Variants in ERBB4 observed in about 807,000 individuals in gnomAD.
The protein encoded by ERBB4 is erb-b2 receptor tyrosine kinase 4, also known as receptor tyrosine-protein kinase erbB-4.
Under a neutral mutation model 158.0 loss-of-function variants are expected in ERBB4, and 42 were observed. The ratio of observed to expected loss-of-function variants is 0.27; its 90% CI spans 0.21 to 0.34. ERBB4 has a LOEUF of 0.34. ERBB4 is among the 10% of genes least tolerant of loss of function. The pLI is 1.00. For synonymous variants in ERBB4, 583 were observed against 558.7 expected, an observed-to-expected ratio of 1.04 and a Z score of -0.61; for missense variants, 1,333 against 1,624.1, an observed-to-expected ratio of 0.82 and a Z score of 3.08.
intron 25 of ERBB4, among the ~76,000 whole-genome samples, chr2:211,415,121 T>TTTC (rs1162452853): frequency 8.0e-6 from 1 of 125,480 alleles, no homozygotes; most frequent in Non-Finnish European, 1.7e-5. Context: ...TTTTTTTTTT[T>TTTC]TTTTTTTTTT....
chr2:211,719,648 G>C (rs547428862), intron 7 of ERBB4, among the ~76,000 whole-genome samples: 1 of 152,160 alleles, frequency 6.6e-6, no homozygotes, highest in South Asian at 2.1e-4. Flanking sequence ...AAGGTCAGGA[G>C]ATCGAGACCA....
intron 4 of ERBB4, among the ~76,000 whole-genome samples, chr2:211,757,934 T>G (rs2075321966): frequency 1.3e-5 from 2 of 152,152 alleles, no homozygotes; most frequent in Non-Finnish European, 2.9e-5. Context: ...ATCTCTTAAC[T>G]CATAAATGGA....
intron 3 of ERBB4, among the ~76,000 whole-genome samples, chr2:211,802,996 GA>G (rs1157619715): frequency 4.6e-5 from 7 of 152,010 alleles, no homozygotes; most frequent in African/African-American, 1.7e-4. Context: ...TCCAAAAGTT[GA>G]AAAAAAGTTG....
chr2:211,495,189 G>A (rs915521693), intron 20 of ERBB4, among the ~76,000 whole-genome samples: 2 of 151,826 alleles, frequency 1.3e-5, no homozygotes, highest in Non-Finnish European at 2.9e-5. Flanking sequence ...TGTTCTTAGA[G>A]ATAAAAAAGA....
At chr2:211,695,947 CTTTTT>C (rs1046117845) in intron 12 of ERBB4, among the ~76,000 whole-genome samples, 29 of 149,510 alleles carry the variant, frequency 1.9e-4, no homozygotes, top group Admixed American at 3.3e-4. Context: ...TCTTTTCTTT[CTTTTT>C]ATTTCTTCTT....
chr2:211,795,419 G>T (rs190065353), intron 3 of ERBB4, among the ~76,000 whole-genome samples: 160 of 151,852 alleles, frequency 1.1e-3, no homozygotes, highest in Middle Eastern at 0.01. Context: ...TTAAATAGTG[G>T]TTACTTCTTG....
chr2:212,361,394 C>T (rs2089681034), intron 1 of ERBB4, among the ~76,000 whole-genome samples: 1 of 151,488 alleles, frequency 6.6e-6, no homozygotes, highest in Non-Finnish European at 1.5e-5. Context: ...GACAGAGTGG[C>T]TCTTTCTGGA....
chr2:211,589,527 CTCT>C (rs1034915886), intron 19 of ERBB4, among the ~76,000 whole-genome samples: 59 of 152,260 alleles, frequency 3.9e-4, no homozygotes, highest in African/African-American at 1.3e-3. Flanking sequence ...AGCCATCAGT[CTCT>C]TCTTCATTTT....
chr2:212,434,100 C>T (rs2092086512), intron 1 of ERBB4, among the ~76,000 whole-genome samples: 1 of 151,820 alleles, frequency 6.6e-6, no homozygotes, highest in South Asian at 2.1e-4. Context: ...ATCATTTTAC[C>T]CCTTAGGGGT....
intron 20 of ERBB4, among the ~76,000 whole-genome samples, chr2:211,513,769 C>T (rs372695986): frequency 1.3e-5 from 2 of 152,050 alleles, no homozygotes; most frequent in African/African-American, 4.8e-5. Flanking sequence ...AAATACAATA[C>T]AGGCTCAGGG....
intron 25 of ERBB4, among the ~76,000 whole-genome samples, chr2:211,388,618 A>T (rs543749832): frequency 2.5e-4 from 38 of 151,938 alleles, no homozygotes; most frequent in African/African-American, 9.2e-4. Context: ...TGGAAAATCA[A>T]TTCCTTTCCT....
Position 212,124,612 on chromosome 2 carries a change from A to C in ERBB4, c.234+140T>G, listed in dbSNP as rs573904157. 78 of 899,442 alleles carry C rather than the reference A, an allele frequency of 8.7e-5. No individual in the cohort carries two copies. In the African/African-American group the frequency reaches 9.2e-4, roughly 11 times the overall value. The allele number at this position is 899,442 out of a possible 1,614,324, so 55.7% of individuals were successfully genotyped here. On this transcript the variant is annotated intron_variant, in intron 2 of 27. Coordinates refer to ENST00000342788, the MANE Select transcript of ERBB4 (RefSeq NM_005235.3). ...GTTCTTTTCCTGGGTGCGTTTCGCT[A>C]TCTCTTATCTTTTGCCTATAGTCAC...
At chr2:212,395,897 G>A (rs1439842546) in intron 1 of ERBB4, among the ~76,000 whole-genome samples, 4 of 152,058 alleles carry the variant, frequency 2.6e-5, no homozygotes, top group Admixed American at 6.6e-5. Flanking sequence ...GATTACAGGT[G>A]TGAGCGACCA....
At chr2:212,292,434 C>A (rs2086240845) in intron 1 of ERBB4, among the ~76,000 whole-genome samples, 1 of 151,882 alleles carries the variant, frequency 6.6e-6, no homozygotes, top group Non-Finnish European at 1.5e-5. Context: ...TCCACTTCTA[C>A]CAATTTCCAG....
At chr2:211,987,642 C>T (rs1026483379) in intron 2 of ERBB4, among the ~76,000 whole-genome samples, 1 of 151,876 alleles carries the variant, frequency 6.6e-6, no homozygotes, top group East Asian at 1.9e-4. Flanking sequence ...TTTTTCCTAC[C>T]TAATTTTATT....
chr2:212,342,754 T>A (rs1389043743), intron 1 of ERBB4, among the ~76,000 whole-genome samples: 1 of 152,216 alleles, frequency 6.6e-6, no homozygotes, highest in Non-Finnish European at 1.5e-5. Context: ...ACTTCTCATC[T>A]CTTTAATAAA....
intron 7 of ERBB4, among the ~76,000 whole-genome samples, chr2:211,716,717 A>C (rs573985694): frequency 2.1e-5 from 2 of 96,116 alleles, no homozygotes; most frequent in Non-Finnish European, 4.3e-5. Context: ...AAACAAAAAA[A>C]AACAAAAAAA....
chr2:211,747,777 T>G (rs1224351487), intron 5 of ERBB4, among the ~76,000 whole-genome samples: 1 of 151,986 alleles, frequency 6.6e-6, no homozygotes, highest in Non-Finnish European at 1.5e-5. Context: ...TTTTTACTCA[T>G]ATATCTCAAT....
At chr2:212,202,623 G>A (rs1007556107) in intron 1 of ERBB4, among the ~76,000 whole-genome samples, 2 of 152,102 alleles carry the variant, frequency 1.3e-5, no homozygotes, top group African/African-American at 4.8e-5. Flanking sequence ...TTACAGGCAT[G>A]AGCCACCACA....
Sources: allele counts gnomAD v4.1 joint callset (sites outside exome capture counted in the v4.1 genomes callset), GRCh38; gene constraint gnomAD v4.1.1; transcripts MANE v1.5; gene names NCBI Gene and HGNC (gene_info 2026-07-23, HGNC 2026-07-21).